The following TDRD1 variants were observed in gnomAD, a reference collection of about 807,000 sequenced individuals.
TDRD1 encodes the protein tudor domain containing 1, also known as tudor domain-containing protein 1.
A neutral mutation model predicts 140.6 loss-of-function variants in TDRD1; 37 were observed. That is an observed-to-expected ratio of 0.26 (90% CI 0.20 to 0.35). TDRD1 has a LOEUF of 0.35. Ranked by LOEUF, TDRD1 falls within the 10% of genes least tolerant of loss-of-function variation. TDRD1 has a pLI of 1.00. For synonymous variants in TDRD1, 506 were observed against 475.7 expected (o/e 1.06, Z -0.83); for missense variants, 1,243 against 1,393.0 (o/e 0.89, Z 1.71).
At chr10:114,202,675 G>T (rs200853498) in intron 6 of TDRD1, among the ~76,000 whole-genome samples, 1 of 152,268 alleles carries the variant, frequency 6.6e-6, no homozygotes, top group Non-Finnish European at 1.5e-5. Context: ...AACATCCGTC[G>T]TGTCCAACTC....
In TDRD1 at chr10:114,202,315, C is replaced by T. The variant is rs2034803556; in HGVS notation, c.696+17C>T. ...AACAATAAGGTATGGTATACTTTGT[C>T]TTTAAATTTTGAATAACTCCTCTTT... On this transcript the variant is annotated intron_variant, in intron 6 of 25. Coordinates refer to ENST00000251864, the Ensembl canonical transcript of TDRD1. 1.3e-6 allele frequency: 2 copies of T among 1,538,262 alleles called. No individual in the cohort carries two copies. Among genetic ancestry groups the T allele is most frequent in the Admixed American group, 1.9e-5 (1 of 52,960 alleles).
At chr10:114,231,351 A>C (rs2036744797) in intron 25 of TDRD1, 2 of 716,440 alleles carry the variant, frequency 2.8e-6, no homozygotes, top group South Asian at 3.4e-5. Flanking sequence ...TAATTTTCTT[A>C]ACTGACAGGT....
chr10:114,187,709 A>G, intron 1 of TDRD1, 117 bp from the exon 2 acceptor site: 1 of 930,280 alleles, frequency 1.1e-6, no homozygotes, highest in Non-Finnish European at 1.6e-6. Flanking sequence ...CTGCTTTGGA[A>G]TTGTTTTATA....
At chr10:114,220,610 C>A (rs532979164) in exon 19 of TDRD1, 2 of 1,613,132 alleles carry the variant, frequency 1.2e-6, no homozygotes, top group African/African-American at 2.7e-5. Context: ...GAAGCCATAA[C>A]AAGATTCCAG....
At chr10:114,217,279 A>T (rs143433723) in intron 16 of TDRD1, among the ~76,000 whole-genome samples, 1 of 152,134 alleles carries the variant, frequency 6.6e-6, no homozygotes, top group African/African-American at 2.4e-5. Flanking sequence ...TGCAAAGTTC[A>T]TGCTTTAGTG....
At chr10:114,222,934 C>G (rs2036227852) in intron 21 of TDRD1, among the ~76,000 whole-genome samples, 1 of 152,108 alleles carries the variant, frequency 6.6e-6, no homozygotes, top group African/African-American at 2.4e-5. Context: ...TCTGTCAGTA[C>G]TTACAGATAA....
At chr10:114,177,758 C>A (rs1424201286), upstream of TDRD1, among the ~76,000 whole-genome samples, 1 of 152,072 alleles carries the variant, frequency 6.6e-6, no homozygotes, top group African/African-American at 2.4e-5. Flanking sequence ...TGCTAACAGA[C>A]CATGCTAATA....
At chr10:114,231,477 C>G (rs747838966) in intron 25 of TDRD1, 1 of 1,588,938 alleles carries the variant, frequency 6.3e-7, no homozygotes. Context: ...GATTTTTTTT[C>G]TTTTTCAGAA....
At chr10:114,180,440 G>A (rs981910691) in intron 1 of TDRD1, among the ~76,000 whole-genome samples, 2 of 152,170 alleles carry the variant, frequency 1.3e-5, no homozygotes, top group South Asian at 2.1e-4. Flanking sequence ...CCGAAGCGTT[G>A]CGTTTTGTCT....
intron 3 of TDRD1, among the ~76,000 whole-genome samples, chr10:114,192,156 T>C (rs1471730027): frequency 6.6e-6 from 1 of 151,992 alleles, no homozygotes; most frequent in Non-Finnish European, 1.5e-5. Context: ...ATCTGTAGCT[T>C]GTCTTTTCAT....
chr10:114,214,831 A>G lies in TDRD1; in HGVS notation c.2212+717A>G, dbSNP rs986856409. On this transcript the variant is annotated intron_variant, in intron 16 of 25. Transcript: ENST00000251864. ...AGGCTCACTGCAACCTCTGCCTCCC[A>G]GGTTCAAGCGATTCTCCTGTCTCAG... 2.0e-5 allele frequency among the ~76,000 whole-genome samples: 3 copies of G among 151,212 alleles called. No individual in the cohort carries two copies. The East Asian group carries it at 5.9e-4, about 30-fold the overall frequency.
intron 2 of TDRD1, among the ~76,000 whole-genome samples, chr10:114,188,655 G>A (rs560224431): frequency 8.5e-5 from 13 of 152,160 alleles, no homozygotes; most frequent in African/African-American, 2.6e-4. Context: ...TCAGGAGTTC[G>A]AGACCAGCTT....
chr10:114,227,951 A>C (rs745795282), exon 24 of TDRD1: 1 of 1,613,838 alleles, frequency 6.2e-7, no homozygotes, highest in East Asian at 2.2e-5. Context: ...AGAGTTACAG[A>C]AACAAGTAGG....
chr10:114,213,864 G>A (rs2035643412), intron 15 of TDRD1, 113 bp from the exon 16 acceptor site: 5 of 894,670 alleles, frequency 5.6e-6, no homozygotes, highest in African/African-American at 5.0e-5. Context: ...TCCTATAAAG[G>A]CACTTAAAAA....
chr10:114,225,552 C>T (rs1236088129), intron 21 of TDRD1, among the ~76,000 whole-genome samples: 10 of 123,618 alleles, frequency 8.1e-5, no homozygotes, highest in South Asian at 2.3e-4. Flanking sequence ...CTCTATTCTA[C>T]GCATTTAAAA....
chr10:114,191,632 C>T (rs2033973568), intron 3 of TDRD1, among the ~76,000 whole-genome samples: 1 of 152,162 alleles, frequency 6.6e-6, no homozygotes, highest in Non-Finnish European at 1.5e-5. Context: ...TATTGAAGGA[C>T]ACCTGGGTTG....
exon 11 of TDRD1, chr10:114,206,262 T>C (rs2035093808): frequency 6.2e-7 from 1 of 1,613,406 alleles, no homozygotes; most frequent in South Asian, 1.1e-5. Context: ...TTAGACCATG[T>C]GCTTATAGAA....
At chr10:114,228,341 G>A in intron 25 of TDRD1, 2 of 1,308,088 alleles carry the variant, frequency 1.5e-6, no homozygotes, top group South Asian at 1.9e-5. Flanking sequence ...TGAACCCCCA[G>A]GGGTATTCCA....
intron 21 of TDRD1, among the ~76,000 whole-genome samples, chr10:114,225,558 T>TAAAAAA (rs71303583): frequency 6.8e-6 from 1 of 146,958 alleles, no homozygotes; most frequent in Non-Finnish European, 1.5e-5. Context: ...TCTACGCATT[T>TAAAAAA]AAAAAAAAAA....
Sources: allele counts gnomAD v4.1 joint callset (sites outside exome capture counted in the v4.1 genomes callset), GRCh38; gene constraint gnomAD v4.1.1; transcripts MANE v1.5; gene names NCBI Gene and HGNC (gene_info 2026-07-23, HGNC 2026-07-21).